Variants in BPNT1 observed in about 807,000 individuals in gnomAD.
The protein encoded by BPNT1 is 3'(2'),5'-bisphosphate nucleotidase 1.
In BPNT1, 28 loss-of-function variants were observed where a neutral mutation model predicts 36.9. The ratio of observed to expected loss-of-function variants is 0.76; its 90% confidence interval spans 0.56 to 1.04. BPNT1 has a LOEUF of 1.04. Ranked by LOEUF, BPNT1 falls within the 50% of genes least tolerant of loss-of-function variation. BPNT1 has a pLI of 0.00. For missense variants in BPNT1, 313 were observed against 372.9 expected (o/e 0.84, Z 1.32); for synonymous variants, 119 against 130.9 (o/e 0.91, Z 0.62).
intron 1 of BPNT1, among the ~76,000 whole-genome samples, chr1:220,082,234 G>A (rs1655246651): frequency 6.6e-6 from 1 of 150,656 alleles, no homozygotes; most frequent in Admixed American, 6.6e-5. Context: ...AGGCTGGAGT[G>A]CAGTGGCGCA....
At position 220,073,207 on chromosome 1, in the gene BPNT1, A is replaced by G. The variant is rs527396608; in HGVS notation, c.226-250T>C. On this transcript the variant is annotated intron_variant, in intron 3 of 8. Transcript: ENST00000322067. ...TTTAAAAAGAAAAGAATTTTTAAGTATTATACACTCATTTAAACAAGTGTC... is the reference window on the plus strand; with the variant it reads ...TTTAAAAAGAAAAGAATTTTTAAGTGTTATACACTCATTTAAACAAGTGTC... Among the ~76,000 whole-genome samples the G allele has an allele frequency of 9.8e-5, 15 of 152,342 alleles. No individual in the cohort carries two copies. The East Asian group carries it at 2.3e-3, about 23-fold the overall frequency.
chr1:220,086,340 G>A (rs548063495), intron 1 of BPNT1, among the ~76,000 whole-genome samples: 17 of 152,000 alleles, frequency 1.1e-4, no homozygotes, highest in Non-Finnish European at 1.5e-4. Flanking sequence ...GCCTGATATC[G>A]GCTCACTGCA....
At chr1:220,062,196 G>C (rs1052255573) in intron 7 of BPNT1, among the ~76,000 whole-genome samples, 4 of 151,382 alleles carry the variant, frequency 2.6e-5, no homozygotes, top group African/African-American at 9.7e-5. Flanking sequence ...ACAATGTGCA[G>C]GTTAGTTACA....
At chr1:220,059,404 C>A (rs556425882) in intron 8 of BPNT1, among the ~76,000 whole-genome samples, 1 of 145,472 alleles carries the variant, frequency 6.9e-6, no homozygotes, top group South Asian at 2.2e-4. Context: ...ACAATAGCGA[C>A]CCTGTGTCAA....
intron 2 of BPNT1, among the ~76,000 whole-genome samples, chr1:220,077,961 G>C (rs1664704840): frequency 6.6e-6 from 1 of 151,984 alleles, no homozygotes; most frequent in Admixed American, 6.6e-5. Context: ...TGGATCACTT[G>C]AAGCCAGGAG....
At chr1:220,083,600 C>G (rs543596408) in intron 1 of BPNT1, among the ~76,000 whole-genome samples, 2 of 151,644 alleles carry the variant, frequency 1.3e-5, no homozygotes, top group African/African-American at 4.8e-5. Flanking sequence ...TGTGAGCCAC[C>G]GCGCCCGGCC....
At chr1:220,074,903 T>C (rs1185211204) in intron 2 of BPNT1, among the ~76,000 whole-genome samples, 1 of 152,246 alleles carries the variant, frequency 6.6e-6, no homozygotes, top group African/African-American at 2.4e-5. Context: ...CAGATACTCA[T>C]GCTAGTGAAA....
intron 1 of BPNT1, among the ~76,000 whole-genome samples, chr1:220,081,305 G>A (rs1398990809): frequency 6.6e-6 from 1 of 152,144 alleles, no homozygotes. Context: ...GATTTTGGGA[G>A]GCCGAGATGG....
chr1:220,058,648 C>G lies in BPNT1; in HGVS notation c.*196G>C. 2.6e-6 allele frequency: 2 copies of G among 768,520 alleles called. No individual in the cohort carries two copies. The highest frequency in any genetic ancestry group is 3.7e-6 in the Non-Finnish European group (2 of 536,670). The allele number at this position is 768,520 out of a possible 1,614,324, so 47.6% of individuals were successfully genotyped here. A position where few individuals can be genotyped will look rare whatever the true frequency, so the allele number is the denominator to read the frequency against. ...CCGGGCTCAAGAGATTCTTCTGCTT[C>G]AGCCTCTCAAGTAGCTGGGATGACA... On this transcript the variant is annotated 3_prime_UTR_variant, in exon 9 of 9. Coordinates refer to ENST00000322067, the MANE Select transcript of BPNT1 (RefSeq NM_006085.6).
intron 2 of BPNT1, among the ~76,000 whole-genome samples, chr1:220,078,383 AATT>A (rs1448221290): frequency 6.3e-5 from 9 of 143,314 alleles, no homozygotes; most frequent in South Asian, 2.1e-4. Context: ...AATTATATAG[AATT>A]ATTATAATTA....
chr1:220,062,790 A>G lies in BPNT1; in HGVS notation c.639T>C (p.Asp213=). 6.2e-7 allele frequency: 1 copy of G among 1,614,216 alleles called. No homozygotes were observed. The highest frequency in any genetic ancestry group is 1.1e-5 in the South Asian group (1 of 91,084). Residue 213 remains aspartate (D), a synonymous_variant, in exon 7 of 9, where the codon GAT becomes GAC. Coordinates refer to ENST00000322067, the MANE Select transcript of BPNT1 (RefSeq NM_006085.6). ...VTDCVAAMNP[D]AVLRVGGAGN... is the part of the protein sequence containing the mutation. ...CTGCTCCTCCTACTCGCAGCACAGC[A>G]TCGGGGTTCATAGCAGCAACACAGT... is the stretch of plus-strand genomic sequence containing the variant.
chr1:220,085,190 T>C (rs1655601608), intron 1 of BPNT1, among the ~76,000 whole-genome samples: 1 of 152,332 alleles, frequency 6.6e-6, no homozygotes, highest in South Asian at 2.1e-4. Context: ...GATTTACCTT[T>C]TGATGATACA....
At chr1:220,085,323 T>C (rs1342357604) in intron 1 of BPNT1, among the ~76,000 whole-genome samples, 1 of 152,178 alleles carries the variant, frequency 6.6e-6, no homozygotes, top group East Asian at 1.9e-4. Flanking sequence ...AAAACACTCT[T>C]GTGAAGGTGT....
rs577086543 is a variant in BPNT1 at position 220,088,085 on chromosome 1, C to A, written c.-9+1601G>T. On this transcript the variant is annotated intron_variant, in intron 1 of 8. Coordinates refer to ENST00000322067, the MANE Select transcript of BPNT1 (RefSeq NM_006085.6). Reference sequence around the variant, plus strand: ...AGAGACAGGGTTTCTCCATGTTGGTCAGGCTGGTCTCGAACTTCCGACCTC... The same window carrying A: ...AGAGACAGGGTTTCTCCATGTTGGTAAGGCTGGTCTCGAACTTCCGACCTC... 5.3e-4 allele frequency among the ~76,000 whole-genome samples: 81 copies of A among 152,116 alleles called. 1 individual carries two copies. The highest frequency in any genetic ancestry group is 4.8e-3 in the South Asian group (23 of 4,820).
intron 4 of BPNT1, among the ~76,000 whole-genome samples, chr1:220,071,511 C>T (rs959982568): frequency 1.3e-5 from 2 of 151,932 alleles, no homozygotes; most frequent in Non-Finnish European, 2.9e-5. Context: ...CTCTGCTGTC[C>T]AGGCTGTAAG....
In BPNT1 at chr1:220,079,787, T is replaced by C. The variant is rs941227996; in HGVS notation, c.60A>G (p.Gln20=). The change falls in exon 2 of 9, where the codon CAA becomes CAG. Residue 20 remains glutamine (Q), a synonymous_variant. Coordinates refer to ENST00000322067, the MANE Select transcript of BPNT1 (RefSeq NM_006085.6). Reference sequence around the variant, plus strand: ...CACGTCTGACTATCATTCCTGCCTTTTGAGCAATAGAATATGCGGAGGCTA... The same window carrying C: ...CACGTCTGACTATCATTCCTGCCTTCTGAGCAATAGAATATGCGGAGGCTA... ...RLVASAYSIA[Q]KAGMIVRRVI... The C allele has an allele frequency of 2.5e-6, 4 of 1,614,060 alleles. No homozygotes were observed. Among genetic ancestry groups the C allele is most frequent in the Non-Finnish European group, 3.4e-6 (4 of 1,180,034 alleles).
chr1:220,065,099 C>T (rs575518109), intron 6 of BPNT1, among the ~76,000 whole-genome samples: 9 of 152,296 alleles, frequency 5.9e-5, no homozygotes, highest in South Asian at 2.1e-4. Context: ...TGAGCCACCA[C>T]GCCCAACCAA....
rs1227962279 is a variant in BPNT1, at chr1:220,058,484, G to A, written c.*360C>T. 1.0e-6 allele frequency: 1 copy of A among 985,316 alleles called. No homozygotes were observed. The highest frequency in any genetic ancestry group is 1.2e-6 in the Non-Finnish European group (1 of 826,668). The allele number at this position is 985,316 out of a possible 1,614,324, so 61.0% of individuals were successfully genotyped here. A position where few individuals can be genotyped will look rare whatever the true frequency, so the allele number is the denominator to read the frequency against. On this transcript the variant is annotated 3_prime_UTR_variant, in exon 9 of 9. Transcript: ENST00000322067. ...TAAAATGTATTATTTTGAGAACCAA[G>A]TCTTTCTCCTAGCTAAGTAAATGAA...
chr1:220,069,717 C>T (rs1213497557), intron 4 of BPNT1, among the ~76,000 whole-genome samples: 3 of 152,060 alleles, frequency 2.0e-5, no homozygotes, highest in African/African-American at 7.2e-5. Flanking sequence ...GGGTGGATCA[C>T]CTGAAGTCAG....
Sources: gnomAD v4.1 joint callset for allele counts (sites outside exome capture counted in the v4.1 genomes callset) on GRCh38, gnomAD v4.1.1 for gene constraint, MANE v1.5 for transcripts, NCBI Gene and HGNC (gene_info 2026-07-23, HGNC 2026-07-21) for gene names.